TBC1D22B: variants seen among roughly 807,000 people sequenced by gnomAD.
TBC1D22B encodes the protein chromosome 6 open reading frame 197.
TBC1D22B carries 32 observed loss-of-function variants against 69.1 expected under a neutral mutation model. The observed-to-expected ratio is 0.46, with a 90% CI of 0.35 to 0.62. The LOEUF (loss-of-function observed/expected upper bound fraction) is 0.62. Among genes scored for constraint, TBC1D22B ranks in the 20% least tolerant of loss-of-function variants. TBC1D22B has a pLI of 0.00. For missense variants in TBC1D22B, 462 were observed against 630.9 expected, an observed-to-expected ratio of 0.73 and a Z score of 2.87; for synonymous variants, 206 against 229.8, an observed-to-expected ratio of 0.90 and a Z score of 0.94.
chr6:37,330,971 T>A lies in TBC1D22B; in HGVS notation c.1390-73T>A, dbSNP rs1768565200. The A allele has an allele frequency of 5.1e-6, 8 of 1,559,086 alleles. No homozygotes were observed. The East Asian group carries it at 1.8e-4, about 35-fold the overall frequency. On this transcript the variant is annotated intron_variant, in intron 12 of 12. Coordinates refer to ENST00000373491, the MANE Select transcript of TBC1D22B (RefSeq NM_017772.4). ...GAAGGGGCCCCATTCTAGGCCTTGG[T>A]CTCTAAGAATGGGTTCACTTGTCTG...
In TBC1D22B at chr6:37,286,161, T is replaced by C. The variant is rs570464007; in HGVS notation, c.802-846T>C. On this transcript the variant is annotated intron_variant, in intron 6 of 12. Coordinates refer to ENST00000373491, the MANE Select transcript of TBC1D22B (RefSeq NM_017772.4). ...TGTGAAGCCTATTGCCATTTGACTTTAGTGGTTTCTTTTGGGAGGTTTCCT... is the reference window on the plus strand; with the variant it reads ...TGTGAAGCCTATTGCCATTTGACTTCAGTGGTTTCTTTTGGGAGGTTTCCT... Among the ~76,000 whole-genome samples, 18 of 152,358 alleles carry C rather than the reference T, an allele frequency of 1.2e-4. 1 individual carries two copies. In the South Asian group the frequency reaches 3.7e-3, roughly 32 times the overall value.
chr6:37,312,105 G>C (rs1767930386), intron 8 of TBC1D22B, among the ~76,000 whole-genome samples: 1 of 152,204 alleles, frequency 6.6e-6, no homozygotes. Context: ...TTTCCAAAGA[G>C]GTCTCGTGGC....
intron 8 of TBC1D22B, among the ~76,000 whole-genome samples, chr6:37,292,538 T>G (rs1425521340): frequency 6.6e-6 from 1 of 152,210 alleles, no homozygotes; most frequent in East Asian, 1.9e-4. Flanking sequence ...GTGTGTTGTA[T>G]AATTTTATCA....
intron 11 of TBC1D22B, 63 bp from the exon 12 acceptor site, chr6:37,317,048 A>G: frequency 6.6e-7 from 1 of 1,510,878 alleles, no homozygotes; most frequent in Non-Finnish European, 9.0e-7. Context: ...AATGGAACTG[A>G]GAGGACCAGA....
intron 8 of TBC1D22B, among the ~76,000 whole-genome samples, chr6:37,304,005 G>A (rs757596703): frequency 9.9e-5 from 15 of 152,196 alleles, no homozygotes; most frequent in Non-Finnish European, 2.1e-4. Flanking sequence ...GTCCAAAATA[G>A]GCATTCCACA....
At chr6:37,270,498 A>G (rs976786491) in intron 2 of TBC1D22B, among the ~76,000 whole-genome samples, 25 of 152,266 alleles carry the variant, frequency 1.6e-4, no homozygotes, top group East Asian at 1.9e-4. Flanking sequence ...TTAGGAGGCT[A>G]TTTCTCTAGT....
intron 1 of TBC1D22B, among the ~76,000 whole-genome samples, chr6:37,260,359 G>T (rs757978936): frequency 2.0e-5 from 3 of 151,960 alleles, no homozygotes; most frequent in Non-Finnish European, 4.4e-5. Flanking sequence ...GCGATGACAG[G>T]GTTCTTTCCA....
In TBC1D22B at chr6:37,287,020, T is replaced by C. The variant is rs780191979; in HGVS notation, c.815T>C (p.Ile272Thr). Residue 272 changes from isoleucine (I) to threonine (T), a missense_variant, in exon 7 of 13, where the codon ATT becomes ACT. By Grantham distance (89) the Ile-to-Thr change is moderately conservative (BLOSUM62 -1). Transcript: ENST00000373491. ...QDTYRQIHID[I>T]PRTNPLIPLF... ...TCTCTTTTTCAGATTCACATTGACA[T>C]TCCAAGGACGAATCCTCTCATTCCG... 3 of 1,602,028 alleles carry C rather than the reference T, an allele frequency of 1.9e-6. No homozygotes were observed. Among genetic ancestry groups the C allele is most frequent in the Non-Finnish European group, 2.6e-6 (3 of 1,176,200 alleles).
rs748187893 is a variant in TBC1D22B at position 37,316,839 on chromosome 6, G to T, written c.1293+9G>T. Reference sequence around the variant, plus strand: ...TGTGGGACACATATCAGGTAGGAGGGATTCCCCGGCCTCTCTGTGCCAGGC... The same window carrying T: ...TGTGGGACACATATCAGGTAGGAGGTATTCCCCGGCCTCTCTGTGCCAGGC... On this transcript the variant is annotated intron_variant, in intron 11 of 12. Coordinates refer to ENST00000373491, the MANE Select transcript of TBC1D22B (RefSeq NM_017772.4). The T allele has an allele frequency of 2.9e-5, 46 of 1,613,926 alleles. No homozygotes were observed. In the South Asian group the frequency reaches 4.8e-4, roughly 17 times the overall value.
Position 37,331,882 on chromosome 6 carries a change from C to T in TBC1D22B, c.*710C>T, listed in dbSNP as rs867423821. 6.6e-6 allele frequency: 1 copy of T among 152,592 alleles called. No homozygotes were observed. Among genetic ancestry groups the T allele is most frequent in the Non-Finnish European group, 1.5e-5 (1 of 68,058 alleles). 9.5% of individuals were successfully genotyped at this position (152,592 alleles called of 1,614,324 possible). On this transcript the variant is annotated 3_prime_UTR_variant, in exon 13 of 13. Coordinates refer to ENST00000373491, the MANE Select transcript of TBC1D22B (RefSeq NM_017772.4). The stretch of plus-strand genomic sequence containing the variant: ...CCATCAAACTAGTTGGGAAGGGCCC[C>T]AGTGACCAAGTGTATAAGCATCCCT...
intron 8 of TBC1D22B, among the ~76,000 whole-genome samples, chr6:37,300,337 G>T (rs116700589): frequency 0.011 from 1,727 of 151,228 alleles, 23 homozygotes; most frequent in African/African-American, 0.039. Context: ...TTATAAAGTT[G>T]TTAAATTATT....
At chr6:37,273,467 C>T (rs1168058847) in intron 2 of TBC1D22B, among the ~76,000 whole-genome samples, 1 of 152,232 alleles carries the variant, frequency 6.6e-6, no homozygotes, top group African/African-American at 2.4e-5. Context: ...CACCTATCAT[C>T]AACTGAGCTT....
rs1285594273 is a variant in TBC1D22B at position 37,282,919 on chromosome 6, G to T, written c.639G>T (p.Arg213Ser). 6.2e-7 allele frequency: 1 copy of T among 1,613,962 alleles called. No homozygotes were observed. The highest frequency in any genetic ancestry group is 1.3e-5 in the African/African-American group (1 of 75,010). The change falls in exon 5 of 13, where the codon AGG (arginine) becomes AGT (serine). Residue 213 changes from arginine (R) to serine (S), a missense_variant. By Grantham distance (110) the Arg-to-Ser change is moderately radical. Coordinates refer to ENST00000373491, the MANE Select transcript of TBC1D22B (RefSeq NM_017772.4). ...LRKCSWPGVPREVRPITWRLL... is the reference protein window; with the variant it reads ...LRKCSWPGVPSEVRPITWRLL... ...AGTGTAGCTGGCCAGGGGTTCCCAGGGAGGTTCGACCTATAACCTGGAGAC... is the reference window on the plus strand; with the variant it reads ...AGTGTAGCTGGCCAGGGGTTCCCAGTGAGGTTCGACCTATAACCTGGAGAC...
intron 12 of TBC1D22B, 70 bp from the exon 13 acceptor site, chr6:37,330,974 C>T (rs1190535037): frequency 6.3e-7 from 1 of 1,584,522 alleles, no homozygotes; most frequent in Non-Finnish European, 8.6e-7. Flanking sequence ...GCCTTGGTCT[C>T]TAAGAATGGG....
At position 37,257,925 on chromosome 6, in the gene TBC1D22B, C is replaced by T. The variant is rs760828423; in HGVS notation, c.8C>T (p.Ala3Val). 40 of 1,613,884 alleles carry T rather than the reference C, an allele frequency of 2.5e-5. 1 individual carries two copies. In the South Asian group the frequency reaches 4.1e-4, roughly 16 times the overall value. The stretch of plus-strand genomic sequence containing the variant: ...CTTCCCCCGGCCAGAGCAATGGCCG[C>T]TGAGAACAGCAAGCAGTTTTGGAAG... MA[A>V]ENSKQFWKRS... Residue 3 changes from alanine to valine, a missense_variant, in exon 1 of 13, where the codon GCT becomes GTT. Around this residue, in one of 2 missense-constraint regions of TBC1D22B, gnomAD observed 237 missense variants for 255.4 expected, o/e 0.93. Transcript: ENST00000373491.
At chr6:37,298,767 G>A (rs553414653) in intron 8 of TBC1D22B, among the ~76,000 whole-genome samples, 3 of 152,048 alleles carry the variant, frequency 2.0e-5, no homozygotes, top group Middle Eastern at 3.4e-3. Context: ...GGATGGTCTC[G>A]ATCTCCTGAC....
chr6:37,329,354 C>T (rs1342510070), intron 12 of TBC1D22B, among the ~76,000 whole-genome samples: 1 of 152,230 alleles, frequency 6.6e-6, no homozygotes, highest in African/African-American at 2.4e-5. Context: ...TGCCTTGCAT[C>T]TCATGATGCA....
rs973700950 is a variant in TBC1D22B, at chr6:37,317,227, T to C, written c.1389+21T>C. 5.8e-6 allele frequency: 9 copies of C among 1,552,850 alleles called. No individual in the cohort carries two copies. In the African/African-American group the frequency reaches 1.1e-4, roughly 19 times the overall value. On this transcript the variant is annotated intron_variant, in intron 12 of 12. Coordinates refer to ENST00000373491, the MANE Select transcript of TBC1D22B (RefSeq NM_017772.4). ...TTCAGGTGAGTGGCCAAGAGCTTAG[T>C]GTGGGCAGGGAATGAACATTAGAAT...
chr6:37,299,980 G>T (rs1308888720), intron 8 of TBC1D22B, among the ~76,000 whole-genome samples: 1 of 146,896 alleles, frequency 6.8e-6, no homozygotes, highest in Non-Finnish European at 1.5e-5. Flanking sequence ...CTGCACTCTA[G>T]CCTGGGTGAC....
Sources: allele counts gnomAD v4.1 joint callset (sites outside exome capture counted in the v4.1 genomes callset), GRCh38; gene constraint gnomAD v4.1.1; regional missense constraint gnomAD v4.1.1; transcripts MANE v1.5; gene names NCBI Gene and HGNC (gene_info 2026-07-23, HGNC 2026-07-21).